PTPRD: variants seen among roughly 807,000 people sequenced by gnomAD.
PTPRD encodes the protein receptor-type tyrosine-protein phosphatase delta.
Under a neutral mutation model 214.5 loss-of-function variants are expected in PTPRD, and 34 were observed. The observed-to-expected ratio is 0.16, with a 90% CI of 0.12 to 0.21. The LOEUF is 0.21. PTPRD is among the 10% of genes least tolerant of loss of function. PTPRD has a pLI of 1.00. For synonymous variants in PTPRD, 1,128 were observed against 845.7 expected (o/e 1.33, Z -5.79); for missense variants, 2,545 against 2,398.7 (o/e 1.06, Z -1.27).
Position 8,484,177 on chromosome 9 carries a change from T to C in PTPRD, c.3355A>G (p.Asn1119Asp). The C allele has an allele frequency of 6.2e-7, 1 of 1,614,234 alleles. No homozygotes were observed. ...RTKPAFIGKT[N>D]LDGMITVQLP... is the part of the protein sequence containing the mutation. ...TGCACAGTAATCATGCCATCCAAGT[T>C]GGTCTTCCCAATGAAGGCAGGCTTG... Residue 1119 changes from asparagine to aspartate, a missense_variant, in exon 30 of 46, where the codon AAC becomes GAC. Transcript: ENST00000381196.
At chr9:10,329,201 C>G (rs141421464) in intron 3 of PTPRD, among the ~76,000 whole-genome samples, 19 of 150,562 alleles carry the variant, frequency 1.3e-4, no homozygotes, top group African/African-American at 3.6e-4. Flanking sequence ...CTTAACTTAT[C>G]ATTGTGCAAT....
intron 3 of PTPRD, among the ~76,000 whole-genome samples, chr9:10,248,714 C>T (rs58072719): frequency 1.5e-4 from 23 of 152,074 alleles, no homozygotes; most frequent in East Asian, 7.8e-4. Flanking sequence ...CACTTTTGGA[C>T]GTGCCTTCTT....
At chr9:9,934,239 T>C (rs1401415606) in intron 5 of PTPRD, among the ~76,000 whole-genome samples, 1 of 148,294 alleles carries the variant, frequency 6.7e-6, no homozygotes, top group Admixed American at 6.7e-5. Flanking sequence ...AGAGCAGAAC[T>C]GAAGGAAATA....
chr9:8,534,636 T>TAC (rs1199959148), intron 14 of PTPRD, among the ~76,000 whole-genome samples: 2 of 151,434 alleles, frequency 1.3e-5, no homozygotes, highest in African/African-American at 2.4e-5. Context: ...AGTATATATA[T>TAC]ATACACACAC....
intron 11 of PTPRD, among the ~76,000 whole-genome samples, chr9:8,758,379 A>C (rs1286494147): frequency 6.6e-6 from 1 of 152,204 alleles, no homozygotes; most frequent in Non-Finnish European, 1.5e-5. Flanking sequence ...CTGTGAGTTC[A>C]GGATGGGAAA....
At chr9:9,560,202 A>G (rs2082550983) in intron 8 of PTPRD, among the ~76,000 whole-genome samples, 2 of 152,102 alleles carry the variant, frequency 1.3e-5, no homozygotes, top group South Asian at 2.1e-4. Flanking sequence ...CTTAACTCCC[A>G]CAACTCAGCC....
At chr9:9,342,914 G>A (rs1049264751) in intron 9 of PTPRD, among the ~76,000 whole-genome samples, 1 of 151,838 alleles carries the variant, frequency 6.6e-6, no homozygotes, top group African/African-American at 2.4e-5. Flanking sequence ...CCCTGTATGT[G>A]ATGTTCCCTT....
intron 11 of PTPRD, among the ~76,000 whole-genome samples, chr9:8,769,918 G>A (rs866298062): frequency 1.1e-4 from 16 of 152,104 alleles, no homozygotes; most frequent in African/African-American, 3.1e-4. Flanking sequence ...GGACATTCAC[G>A]TAAATAGGAA....
At chr9:9,660,114 A>C (rs2096593958) in intron 7 of PTPRD, among the ~76,000 whole-genome samples, 1 of 152,066 alleles carries the variant, frequency 6.6e-6, no homozygotes, top group Non-Finnish European at 1.5e-5. Context: ...CCTAATTTTT[A>C]TATGCTAACA....
chr9:8,700,780 C>T (rs1002825629), intron 12 of PTPRD: 1 of 152,198 alleles, frequency 6.6e-6, no homozygotes, highest in African/African-American at 2.4e-5. Flanking sequence ...GTTTGAGTTG[C>T]TAAAACACTA....
At chr9:8,376,121 G>T (rs2083167721) in intron 38 of PTPRD, 31 bp from the exon 39 acceptor site, 1 of 1,609,246 alleles carries the variant, frequency 6.2e-7, no homozygotes, top group African/African-American at 1.3e-5. Flanking sequence ...CTGAAATTCT[G>T]TTTTCCAAGC....
At chr9:8,476,858 A>G (rs1016742029) in intron 30 of PTPRD, among the ~76,000 whole-genome samples, 3 of 152,122 alleles carry the variant, frequency 2.0e-5, no homozygotes, top group African/African-American at 7.2e-5. Flanking sequence ...TCTCCATCAG[A>G]ATTTTCAACT....
chr9:10,444,590 C>T (rs183543525), intron 2 of PTPRD, among the ~76,000 whole-genome samples: 6 of 151,608 alleles, frequency 4.0e-5, no homozygotes, highest in African/African-American at 1.4e-4. Context: ...AGATACATGC[C>T]TACTATGACA....
chr9:8,834,303 A>G (rs2097364897), intron 11 of PTPRD, among the ~76,000 whole-genome samples: 1 of 152,108 alleles, frequency 6.6e-6, no homozygotes, highest in African/African-American at 2.4e-5. Context: ...AACTGGTTTT[A>G]TTTTGAAAAT....
rs573669811 is a variant in PTPRD, at chr9:9,460,534, A to G, written c.-236-63052T>C. 3.7e-3 allele frequency among the ~76,000 whole-genome samples: 568 copies of G among 152,246 alleles called. 2 individuals are homozygous for G. The highest frequency in any genetic ancestry group is 0.013 in the African/African-American group (534 of 41,570). On this transcript the variant is annotated intron_variant, in intron 8 of 45. Transcript: ENST00000381196. ...AAGTGGGCAAAGGACATGAACAGAC[A>G]CTTCTCAAAAGGACATAAAAATGGC...
intron 3 of PTPRD, among the ~76,000 whole-genome samples, chr9:10,311,992 A>C (rs2154418397): frequency 6.6e-6 from 1 of 151,810 alleles, no homozygotes; most frequent in African/African-American, 2.4e-5. Context: ...TCTGCCAGTT[A>C]ATTGCTTGTG....
chr9:9,313,021 T>C (rs1232406423), intron 9 of PTPRD, among the ~76,000 whole-genome samples: 3 of 152,218 alleles, frequency 2.0e-5, no homozygotes, highest in Admixed American at 1.3e-4. Flanking sequence ...TATTAATCTT[T>C]CTTAAGTGTA....
rs570591473 is a variant in PTPRD, at chr9:10,148,006, T to C, written c.-544-114216A>G. ...GTTAAGGGCTTTGATCCACGTTTTG[T>C]TTCTTTGGAGATATCCAAAAGTCAA... On this transcript the variant is annotated intron_variant, in intron 3 of 45. Coordinates refer to ENST00000381196, the MANE Select transcript of PTPRD (RefSeq NM_002839.4). Among the ~76,000 whole-genome samples the C allele has an allele frequency of 9.3e-4, 142 of 152,340 alleles. No homozygotes were observed. In the South Asian group the frequency reaches 0.028, roughly 30 times the overall value.
chr9:10,139,172 C>G (rs577341710), intron 3 of PTPRD, among the ~76,000 whole-genome samples: 1 of 152,084 alleles, frequency 6.6e-6, no homozygotes, highest in African/African-American at 2.4e-5. Context: ...GCACTTAGAA[C>G]TGATGAATTA....
Sources: gnomAD v4.1 joint callset for allele counts (sites outside exome capture counted in the v4.1 genomes callset) on GRCh38, gnomAD v4.1.1 for gene constraint, MANE v1.5 for transcripts, NCBI Gene and HGNC (gene_info 2026-07-23, HGNC 2026-07-21) for gene names.